PRR33: variants seen among roughly 807,000 people sequenced by gnomAD.
PRR33 encodes proline-rich protein 33.
Under a neutral mutation model 0.5 loss-of-function variants are expected in PRR33, and 1 was observed. That is an observed-to-expected ratio of 2.18 (90% confidence interval 0.77 to 10.34). PRR33 has a LOEUF of 10.34. Ranked by LOEUF, PRR33 falls within the 30% of genes most tolerant of loss-of-function variation. The pLI is 0.13. For missense variants in PRR33, 552 were observed against 251.8 expected, an observed-to-expected ratio of 2.19 and a Z score of -8.07; for synonymous variants, 226 against 110.0, an observed-to-expected ratio of 2.06 and a Z score of -6.60.
chr11:1,894,886 G>A (rs1187532310), upstream of PRR33, among the ~76,000 whole-genome samples: 8 of 152,112 alleles, frequency 5.3e-5, no homozygotes, highest in Non-Finnish European at 5.9e-5. Flanking sequence ...GTTCAGAAAC[G>A]GCCTAGCTCT....
chr11:1,907,580 T>G, the PRR33 span, among the ~76,000 whole-genome samples: 1 of 152,120 alleles, frequency 6.6e-6, no homozygotes, highest in Non-Finnish European at 1.5e-5. Context: ...CCCGGCTTAT[T>G]TTTTTATATT....
At chr11:1,915,130 A>G in the PRR33 span, among the ~76,000 whole-genome samples, 3 of 95,094 alleles carry the variant, frequency 3.2e-5, no homozygotes, top group Non-Finnish European at 4.2e-5. Context: ...CACACCTGGG[A>G]TGATGTTTCT....
chr11:1,889,197 C>A, exon 1 of PRR33: 2 of 674,498 alleles, frequency 3.0e-6, no homozygotes, highest in Admixed American at 2.2e-5. Context: ...GGGCTGGGGG[C>A]TCAGCTCCAG....
exon 1 of PRR33, chr11:1,891,296 T>G (rs1848991841): frequency 6.6e-6 from 1 of 152,214 alleles, no homozygotes; most frequent in Admixed American, 6.5e-5. Flanking sequence ...AAATGGCATC[T>G]GTCCGAGCCA....
chr11:1,908,167 T>C, the PRR33 span, among the ~76,000 whole-genome samples: 1 of 152,264 alleles, frequency 6.6e-6, no homozygotes, highest in Non-Finnish European at 1.5e-5. Context: ...TTTGTCTGAC[T>C]GCTGGTCTGC....
At chr11:1,888,501 C>T (rs1467095450) in exon 1 of PRR33, 3 of 152,198 alleles carry the variant, frequency 2.0e-5, no homozygotes, top group Admixed American at 6.5e-5. Flanking sequence ...AGAGGTGGGC[C>T]GAGAGAGAGG....
exon 1 of PRR33, chr11:1,890,230 T>C: frequency 1.4e-6 from 1 of 710,168 alleles, no homozygotes; most frequent in Non-Finnish European, 2.6e-6. Flanking sequence ...TGGTGGATGA[T>C]GGGGGTGTGC....
At chr11:1,894,684 G>A (rs940899946), upstream of PRR33, among the ~76,000 whole-genome samples, 2 of 152,058 alleles carry the variant, frequency 1.3e-5, no homozygotes, top group Non-Finnish European at 2.9e-5. Context: ...CCACAGCATG[G>A]GTACACCCCA....
At chr11:1,912,749 C>G in the PRR33 span, among the ~76,000 whole-genome samples, 1 of 152,110 alleles carries the variant, frequency 6.6e-6, no homozygotes, top group Non-Finnish European at 1.5e-5. Context: ...GGATTACAGG[C>G]ACCTGCCACC....
chr11:1,895,787 A>G (rs554486168), upstream of PRR33, among the ~76,000 whole-genome samples: 1 of 152,282 alleles, frequency 6.6e-6, no homozygotes, highest in East Asian at 1.9e-4. Flanking sequence ...AGAATATGAA[A>G]TTGCTGCAGC....
chr11:1,904,164 A>G, the PRR33 span, among the ~76,000 whole-genome samples: 1 of 152,206 alleles, frequency 6.6e-6, no homozygotes, highest in African/African-American at 2.4e-5. Flanking sequence ...TGGGTCCTCC[A>G]TTGGTCAGTC....
chr11:1,911,829 C>A, the PRR33 span, among the ~76,000 whole-genome samples: 1 of 151,858 alleles, frequency 6.6e-6, no homozygotes, highest in Non-Finnish European at 1.5e-5. Flanking sequence ...ATCACTACAT[C>A]ATTCAGTTTT....
the PRR33 span, among the ~76,000 whole-genome samples, chr11:1,913,847 C>T: frequency 1.3e-5 from 2 of 152,256 alleles, no homozygotes; most frequent in Non-Finnish European, 2.9e-5. Flanking sequence ...GAGCTGTGCA[C>T]TGGGATCGCG....
At chr11:1,896,683 G>A (rs542200493), upstream of PRR33, among the ~76,000 whole-genome samples, 49 of 152,322 alleles carry the variant, frequency 3.2e-4, no homozygotes, top group African/African-American at 1.2e-3. Flanking sequence ...AATGTTGGAC[G>A]GAGGTGATGA....
the PRR33 span, among the ~76,000 whole-genome samples, chr11:1,909,606 T>TCAAAAA: frequency 2.0e-3 from 305 of 152,176 alleles, 2 homozygotes; most frequent in South Asian, 0.012. Flanking sequence ...AGACTCCGTC[T>TCAAAAA]CAAAAACAAA....
chr11:1,895,350 C>T (rs1466167063), upstream of PRR33, among the ~76,000 whole-genome samples: 1 of 152,106 alleles, frequency 6.6e-6, no homozygotes, highest in East Asian at 1.9e-4. Context: ...TCAGGCTGGT[C>T]TCGAATTCCT....
chr11:1,911,224 C>G, the PRR33 span, among the ~76,000 whole-genome samples: 1 of 152,118 alleles, frequency 6.6e-6, no homozygotes, highest in Non-Finnish European at 1.5e-5. Context: ...GAGGGTGGAT[C>G]ACCTGAGGTC....
At chr11:1,910,830 C>T in the PRR33 span, among the ~76,000 whole-genome samples, 1 of 152,278 alleles carries the variant, frequency 6.6e-6, no homozygotes, top group Admixed American at 6.5e-5. Flanking sequence ...ATTTGGTTTC[C>T]CCTTTCATGG....
the PRR33 span, among the ~76,000 whole-genome samples, chr11:1,911,632 G>C: frequency 6.6e-6 from 1 of 151,640 alleles, no homozygotes; most frequent in African/African-American, 2.4e-5. Context: ...TGTTGGCCAG[G>C]CTGGTCTCAA....
Sources: allele counts gnomAD v4.1 joint callset (sites outside exome capture counted in the v4.1 genomes callset), GRCh38; gene constraint gnomAD v4.1.1; transcripts MANE v1.5; gene names NCBI Gene and HGNC (gene_info 2026-07-23, HGNC 2026-07-21).